The following SMARCA4 variants were observed in gnomAD, a reference collection of about 807,000 sequenced individuals.
The protein encoded by SMARCA4 is SWI/SNF-related matrix-associated actin-dependent regulator of chromatin subfamily A member 4.
Under a neutral mutation model 193.9 loss-of-function variants are expected in SMARCA4, and 31 were observed. The ratio of observed to expected loss-of-function variants is 0.16; its 90% CI spans 0.12 to 0.22. SMARCA4 has a LOEUF of 0.22. Among genes scored for constraint, SMARCA4 ranks in the 10% least tolerant of loss-of-function variants. The probability of loss-of-function intolerance (pLI) is 1.00; values close to 1 mark genes in which losing one functional copy is unlikely to be tolerated. For synonymous variants in SMARCA4, 942 were observed against 933.1 expected, an observed-to-expected ratio of 1.01 and a Z score of -0.17; for missense variants, 1,148 against 2,296.0, an observed-to-expected ratio of 0.50 and a Z score of 10.22.
chr19:11,025,691 A>G, intron 22 of SMARCA4, 183 bp downstream of exon 22: 1 of 628,006 alleles, frequency 1.6e-6, no homozygotes, highest in South Asian at 1.6e-5. Flanking sequence ...CCCAGCAGTT[A>G]GGGCGCAACG....
chr19:10,966,012 C>G (rs1179792801), intron 1 of SMARCA4, among the ~76,000 whole-genome samples: 2 of 97,112 alleles, frequency 2.1e-5, no homozygotes, highest in Non-Finnish European at 3.7e-5. Context: ...GGTGAAGTTT[C>G]GCTCTTGTTG....
Position 11,019,526 on chromosome 19 carries a change from T to A in SMARCA4, c.2506-65T>A. 1 of 978,698 alleles carries A rather than the reference T, an allele frequency of 1.0e-6. No homozygotes were observed. The highest frequency in any genetic ancestry group is 1.6e-6 in the Non-Finnish European group (1 of 624,270). The allele number at this position is 978,698 out of a possible 1,614,324, so 60.6% of individuals were successfully genotyped here. A position where few individuals can be genotyped will look rare whatever the true frequency, so the allele number is the denominator to read the frequency against. ...ACTGGGCAGTTGCAGGGGGTGCCTG[T>A]GCCCCTCTTGCCACCTGGCCACCCG... On this transcript the variant is annotated intron_variant, in intron 17 of 34. Transcript: ENST00000344626. The surrounding 1 kb of genome is among the most constrained non-coding windows in gnomAD (Gnocchi z 6.1).
chr19:10,961,992 T>TG (rs1307124042), intron 1 of SMARCA4, among the ~76,000 whole-genome samples: 1 of 151,070 alleles, frequency 6.6e-6, no homozygotes, highest in Non-Finnish European at 1.5e-5. Flanking sequence ...TTTTTTTTTT[T>TG]GGTCAGTGAC....
intron 32 of SMARCA4, 61 bp from the exon 33 acceptor site, chr19:11,059,692 G>A (rs1225929225): frequency 1.3e-6 from 2 of 1,537,398 alleles, no homozygotes; most frequent in African/African-American, 1.4e-5. Context: ...CTGGGGCCAG[G>A]GCCGGGCAGG....
chr19:10,985,454 C>G lies in SMARCA4; in HGVS notation c.355+49C>G, dbSNP rs183120332. The G allele has an allele frequency of 1.2e-3, 1,929 of 1,606,002 alleles. 11 individuals carry two copies. The highest frequency in any genetic ancestry group is 0.012 in the Middle Eastern group (70 of 6,056). ...CCTTGTGTTTGTCATACTCCAGAGT[C>G]CTCAGATCATTTTCCTCCCCTGGGT... is the stretch of plus-strand genomic sequence containing the variant. On this transcript the variant is annotated intron_variant, in intron 3 of 34. Coordinates refer to ENST00000344626, the MANE Select transcript of SMARCA4 (RefSeq NM_003072.5). The surrounding 1 kb of genome is among the most constrained non-coding windows in gnomAD (Gnocchi z 4.5).
intron 25 of SMARCA4, chr19:11,032,513 A>C (rs1717915013): frequency 6.6e-6 from 1 of 152,150 alleles, no homozygotes; most frequent in African/African-American, 2.4e-5. Flanking sequence ...TAAAAATACA[A>C]AAATTAGCCA....
chr19:11,010,930 T>C (rs982465639), intron 15 of SMARCA4: 1 of 322,624 alleles, frequency 3.1e-6, no homozygotes, highest in African/African-American at 2.2e-5. Flanking sequence ...CAGGACAGGT[T>C]ACCTGAGCTC....
chr19:10,978,427 G>A (rs752094808), intron 1 of SMARCA4, among the ~76,000 whole-genome samples: 2 of 152,022 alleles, frequency 1.3e-5, no homozygotes, highest in Admixed American at 6.6e-5. Flanking sequence ...TCCACCTACC[G>A]GGTTCAAGTG....
In SMARCA4 at chr19:10,989,454, GC is replaced by G; in HGVS notation, c.1245+12del. ...AACTTCCAGAGGCAGGTGGGTGCTG[GC>G]ATGGCCGCAGCTTTCCGAAAAGGGC... On this transcript the variant is annotated intron_variant, in intron 7 of 34. Coordinates refer to ENST00000344626, the MANE Select transcript of SMARCA4 (RefSeq NM_003072.5). 1 of 1,613,714 alleles carries G rather than the reference GC, an allele frequency of 6.2e-7. No homozygotes were observed. Among genetic ancestry groups the G allele is most frequent in the Non-Finnish European group, 8.5e-7 (1 of 1,179,832 alleles).
At chr19:10,973,730 C>T (rs1016844848) in intron 1 of SMARCA4, among the ~76,000 whole-genome samples, 3 of 152,008 alleles carry the variant, frequency 2.0e-5, no homozygotes, top group South Asian at 2.1e-4. Context: ...CCACCACGCC[C>T]GGCTAATTTT....
chr19:11,055,193 TTTTG>T (rs1290861040), intron 30 of SMARCA4, among the ~76,000 whole-genome samples: 6 of 151,936 alleles, frequency 3.9e-5, no homozygotes, highest in Non-Finnish European at 8.8e-5. Context: ...TGTGTTTTGT[TTTTG>T]TTTGTTTTTT....
chr19:11,004,585 T>C (rs114458151), intron 13 of SMARCA4, among the ~76,000 whole-genome samples: 1 of 152,278 alleles, frequency 6.6e-6, no homozygotes, highest in African/African-American at 2.4e-5. Context: ...CCTCTTATGA[T>C]TATTGTTCAC....
chr19:10,966,103 C>T (rs577370841), intron 1 of SMARCA4, among the ~76,000 whole-genome samples: 3 of 151,310 alleles, frequency 2.0e-5, no homozygotes, highest in African/African-American at 7.3e-5. Context: ...CTGCCTCAGC[C>T]TCCCGAGTAG....
intron 1 of SMARCA4, among the ~76,000 whole-genome samples, chr19:10,964,518 C>A (rs572465825): frequency 7.2e-5 from 11 of 152,072 alleles, no homozygotes; most frequent in Non-Finnish European, 1.6e-4. Flanking sequence ...ATCATGTTGG[C>A]CAAGCTGGTC....
intron 11 of SMARCA4, among the ~76,000 whole-genome samples, chr19:11,002,456 G>T (rs2087729061): frequency 6.6e-6 from 1 of 151,910 alleles, no homozygotes; most frequent in African/African-American, 2.4e-5. Flanking sequence ...TCCAGCCTGG[G>T]CAACAGAGTG....
chr19:11,012,865 G>C (rs946898774), intron 15 of SMARCA4, 84 bp from the exon 16 acceptor site: 3 of 1,295,662 alleles, frequency 2.3e-6, no homozygotes, highest in Non-Finnish European at 3.4e-6. Flanking sequence ...CGTGGCTGGC[G>C]GTGTCTTGAC....
intron 11 of SMARCA4, among the ~76,000 whole-genome samples, chr19:10,999,600 G>A (rs2087431288): frequency 6.6e-6 from 1 of 152,104 alleles, no homozygotes; most frequent in African/African-American, 2.4e-5. Flanking sequence ...TGAGGCTATA[G>A]TGAGCTGTAA....
intron 6 of SMARCA4, 27 bp from the exon 7 acceptor site, chr19:10,989,290 G>A (rs752235781): frequency 2.8e-5 from 45 of 1,613,258 alleles, no homozygotes; most frequent in Admixed American, 1.8e-4. Flanking sequence ...CCCTCTCACC[G>A]CCTTTGCTCC....
chr19:10,983,026 TGTTTTAAAGACTATTAAATGATAAGAA>T (rs2085690109), intron 1 of SMARCA4, among the ~76,000 whole-genome samples: 1 of 152,202 alleles, frequency 6.6e-6, no homozygotes, highest in African/African-American at 2.4e-5. Context: ...TTAGAATTTG[TGTTTTAAAGACTATTAAATGATAAGAA>T]TTGCCATGGG....
Sources: gnomAD v4.1 joint callset for allele counts (sites outside exome capture counted in the v4.1 genomes callset) on GRCh38, gnomAD v4.1.1 for gene constraint, Gnocchi (gnomAD v3.1) non-coding constraint, MANE v1.5 for transcripts, NCBI Gene and HGNC (gene_info 2026-07-23, HGNC 2026-07-21) for gene names.